NOVA1: variants seen among roughly 807,000 people sequenced by gnomAD.
The protein encoded by NOVA1 is RNA-binding protein Nova-1.
A neutral mutation model predicts 38.0 loss-of-function variants in NOVA1; 7 were observed. That is an observed-to-expected ratio of 0.18 (90% CI 0.10 to 0.35). The LOEUF (loss-of-function observed/expected upper bound fraction) is 0.35, where lower values mean the gene tolerates loss of function less well. Ranked by LOEUF, NOVA1 falls within the 10% of genes least tolerant of loss-of-function variation. The pLI is 1.00. For missense variants in NOVA1, 460 were observed against 616.0 expected, an observed-to-expected ratio of 0.75 and a Z score of 2.68; for synonymous variants, 270 against 232.5, an observed-to-expected ratio of 1.16 and a Z score of -1.47.
At chr14:26,596,736 T>C in intron 1 of NOVA1, 1 of 1,270,758 alleles carries the variant, frequency 7.9e-7, no homozygotes, top group South Asian at 1.3e-5. Flanking sequence ...TGAAGACAAA[T>C]CAATGAAATA....
At chr14:26,451,269 T>C (rs529122507) in intron 4 of NOVA1, among the ~76,000 whole-genome samples, 1 of 152,294 alleles carries the variant, frequency 6.6e-6, no homozygotes, top group Admixed American at 6.5e-5. Flanking sequence ...CATGTGGGCA[T>C]TGCACTTACA....
intron 2 of NOVA1, among the ~76,000 whole-genome samples, chr14:26,572,939 T>C (rs1006623262): frequency 6.6e-6 from 1 of 152,100 alleles, no homozygotes; most frequent in Non-Finnish European, 1.5e-5. Flanking sequence ...ACATTAAATA[T>C]AATAAAGTGT....
Position 26,558,374 on chromosome 14 carries a change from G to C in NOVA1, c.280+37036C>G, listed in dbSNP as rs146146745. The stretch of plus-strand genomic sequence containing the variant: ...GGCTAAACAAAGTAGTTAATAATAA[G>C]TTGTTAATAGTAAGAAAAACTGTGT... On this transcript the variant is annotated intron_variant, in intron 2 of 4. Transcript: ENST00000539517. Among the ~76,000 whole-genome samples the C allele has an allele frequency of 3.8e-3, 578 of 152,202 alleles. 6 individuals carry two copies. The highest frequency in any genetic ancestry group is 0.013 in the African/African-American group (553 of 41,542).
At chr14:26,503,534 C>T (rs1887397017) in intron 2 of NOVA1, among the ~76,000 whole-genome samples, 1 of 151,996 alleles carries the variant, frequency 6.6e-6, no homozygotes, top group Non-Finnish European at 1.5e-5. Context: ...TACTCTAGTA[C>T]AATTCTATTG....
rs547211331 is a variant in NOVA1, at chr14:26,470,452, T to C, written c.519+1868A>G. ...TTACGGATTTTGTTTTGTTCTTCTC[T>C]TATATCTTGCTTCATGATATCCAGG... On this transcript the variant is annotated intron_variant, in intron 4 of 4. Transcript: ENST00000539517. 6.4e-5 allele frequency: 100 copies of C among 1,560,662 alleles called. 2 individuals are homozygous for C. The South Asian group carries it at 9.5e-4, about 15-fold the overall frequency.
intron 2 of NOVA1, chr14:26,593,346 T>G (rs1893980371): frequency 6.6e-6 from 1 of 151,858 alleles, no homozygotes; most frequent in Admixed American, 6.6e-5. Context: ...GAAAGACTAT[T>G]AAAATTAATG....
At chr14:26,591,930 T>TA (rs144808320) in intron 2 of NOVA1, among the ~76,000 whole-genome samples, 4,040 of 151,650 alleles carry the variant, frequency 0.027, 173 homozygotes, top group African/African-American at 0.093. Context: ...ATATTTTTAT[T>TA]AAATGTGATA....
chr14:26,469,312 A>G (rs1884403339), intron 4 of NOVA1, among the ~76,000 whole-genome samples: 2 of 152,230 alleles, frequency 1.3e-5, no homozygotes, highest in Non-Finnish European at 2.9e-5. Flanking sequence ...AGTAGTTTAA[A>G]GCAGACAGGC....
In NOVA1 at chr14:26,448,309, T is replaced by C. The variant is rs1882268633; in HGVS notation, c.1174A>G (p.Thr392Ala). 1 of 1,613,920 alleles carries C rather than the reference T, an allele frequency of 6.2e-7. No homozygotes were observed. The highest frequency in any genetic ancestry group is 8.5e-7 in the Non-Finnish European group (1 of 1,179,994). Residue 392 changes from threonine (T) to alanine (A), a missense_variant, in exon 5 of 5, where the codon ACT becomes GCT. Coordinates refer to ENST00000539517, the MANE Select transcript of NOVA1 (RefSeq NM_002515.3). This position sits in a 1 kb window ranked among gnomAD's most constrained non-coding sequence, Gnocchi z 5.3. ...TFALGSLAAA[T>A]AATNGYFGAA... Reference sequence around the variant, plus strand: ...CCAAAATATCCATTGGTTGCAGCAGTAGCAGCAGCCAGGCTACCTAATGCA... The same window carrying C: ...CCAAAATATCCATTGGTTGCAGCAGCAGCAGCAGCCAGGCTACCTAATGCA...
At chr14:26,462,791 G>C (rs987300106) in intron 4 of NOVA1, among the ~76,000 whole-genome samples, 4 of 152,106 alleles carry the variant, frequency 2.6e-5, no homozygotes, top group Non-Finnish European at 5.9e-5. Flanking sequence ...CATATGTAAT[G>C]TCAAAGACAA....
intron 4 of NOVA1, among the ~76,000 whole-genome samples, chr14:26,451,689 ATAATT>A (rs1369192251): frequency 6.6e-6 from 1 of 152,196 alleles, no homozygotes. Context: ...GAAATAATAT[ATAATT>A]TAAAATAGTG....
intron 2 of NOVA1, among the ~76,000 whole-genome samples, chr14:26,545,568 T>C (rs1351235454): frequency 6.6e-6 from 1 of 152,034 alleles, no homozygotes; most frequent in Non-Finnish European, 1.5e-5. Context: ...CTGAGGACAA[T>C]GGGGGCCACT....
At chr14:26,501,347 T>C (rs1005125432) in intron 2 of NOVA1, among the ~76,000 whole-genome samples, 1 of 151,954 alleles carries the variant, frequency 6.6e-6, no homozygotes, top group Non-Finnish European at 1.5e-5. Context: ...TACAGTTGCA[T>C]AGGTGCTAGG....
At chr14:26,509,240 C>T (rs1217393807) in intron 2 of NOVA1, among the ~76,000 whole-genome samples, 1 of 151,898 alleles carries the variant, frequency 6.6e-6, no homozygotes, top group Non-Finnish European at 1.5e-5. Context: ...GAGTTTAATG[C>T]TAGACAATGA....
intron 4 of NOVA1, among the ~76,000 whole-genome samples, chr14:26,458,030 A>G (rs1883325006): frequency 6.6e-6 from 1 of 152,198 alleles, no homozygotes; most frequent in Non-Finnish European, 1.5e-5. Flanking sequence ...ACATGAACAG[A>G]CATGCCTCAA....
chr14:26,588,362 G>A (rs1893656365), intron 2 of NOVA1: 1 of 151,088 alleles, frequency 6.6e-6, no homozygotes, highest in Non-Finnish European at 1.5e-5. Flanking sequence ...TTGAAAAATG[G>A]ACAAAAATGT....
chr14:26,472,275 A>T (rs1333498272), intron 4 of NOVA1, 45 bp downstream of exon 4: 1 of 1,184,336 alleles, frequency 8.4e-7, no homozygotes, highest in Non-Finnish European at 1.3e-6. Context: ...TTTGCAGGCA[A>T]TCACCCGTGA....
At chr14:26,596,633 AT>A in intron 1 of NOVA1, 1 of 1,289,188 alleles carries the variant, frequency 7.8e-7, no homozygotes, top group Non-Finnish European at 1.0e-6. Flanking sequence ...AAGAAGCGAT[AT>A]CGGTCCCGTT....
chr14:26,465,497 T>A (rs1173992753), intron 4 of NOVA1, among the ~76,000 whole-genome samples: 2 of 152,124 alleles, frequency 1.3e-5, no homozygotes, highest in Non-Finnish European at 2.9e-5. Flanking sequence ...GTTGGAGAAT[T>A]ATGATAATAT....
Sources: allele counts gnomAD v4.1 joint callset (sites outside exome capture counted in the v4.1 genomes callset), GRCh38; gene constraint gnomAD v4.1.1; non-coding constraint Gnocchi (gnomAD v3.1); transcripts MANE v1.5; gene names NCBI Gene and HGNC (gene_info 2026-07-23, HGNC 2026-07-21).